The following DLGAP1 variants were observed in gnomAD, a reference collection of about 807,000 sequenced individuals.
The protein encoded by DLGAP1 is disks large-associated protein 1.
A neutral mutation model predicts 90.8 loss-of-function variants in DLGAP1; 11 were observed. That is an observed-to-expected ratio of 0.12 (90% confidence interval 0.08 to 0.20). The LOEUF (loss-of-function observed/expected upper bound fraction) is 0.20, where lower values mean the gene tolerates loss of function less well. Among genes scored for constraint, DLGAP1 ranks in the 10% least tolerant of loss-of-function variants. The pLI is 1.00. For missense variants in DLGAP1, 1,050 were observed against 1,333.8 expected (o/e 0.79, Z 3.31); for synonymous variants, 558 against 540.7 (o/e 1.03, Z -0.44).
intron 5 of DLGAP1, among the ~76,000 whole-genome samples, chr18:3,794,006 C>G (rs146459931): frequency 5.9e-4 from 90 of 152,304 alleles, no homozygotes; most frequent in Middle Eastern, 6.8e-3. Context: ...ACTGTGGTAT[C>G]CCCAGTGTCC....
At chr18:3,708,856 T>C (rs2061518186) in intron 7 of DLGAP1, among the ~76,000 whole-genome samples, 1 of 152,082 alleles carries the variant, frequency 6.6e-6, no homozygotes, top group South Asian at 2.1e-4. Flanking sequence ...AGGTGCACAT[T>C]AGGTGGAAGG....
intron 7 of DLGAP1, among the ~76,000 whole-genome samples, chr18:3,608,993 G>A (rs758260826): frequency 9.9e-5 from 15 of 151,536 alleles, no homozygotes; most frequent in African/African-American, 2.4e-4. Flanking sequence ...GTGCCACCAC[G>A]CCTGGCTAAT....
chr18:3,934,211 G>A (rs1317299258), intron 3 of DLGAP1, among the ~76,000 whole-genome samples: 5 of 152,156 alleles, frequency 3.3e-5, no homozygotes, highest in Non-Finnish European at 4.4e-5. Context: ...CCACAGCCAC[G>A]ACACTGTAAA....
intron 2 of DLGAP1, among the ~76,000 whole-genome samples, chr18:4,091,722 G>A (rs1251032729): frequency 6.6e-6 from 1 of 151,912 alleles, no homozygotes; most frequent in Non-Finnish European, 1.5e-5. Context: ...TTGATTTTTT[G>A]TTACAGTCAA....
chr18:3,612,201 A>T (rs534847739), intron 7 of DLGAP1, among the ~76,000 whole-genome samples: 178 of 152,342 alleles, frequency 1.2e-3, no homozygotes, highest in African/African-American at 4.2e-3. Flanking sequence ...AAATATTAAA[A>T]ATAATGTAAG....
At chr18:4,053,629 T>C (rs2075169294) in intron 2 of DLGAP1, among the ~76,000 whole-genome samples, 1 of 152,166 alleles carries the variant, frequency 6.6e-6, no homozygotes, top group African/African-American at 2.4e-5. Context: ...TGTGAAGAGG[T>C]GCCTGCTTCC....
intron 7 of DLGAP1, among the ~76,000 whole-genome samples, chr18:3,659,590 G>C (rs1433669886): frequency 6.7e-6 from 1 of 148,564 alleles, no homozygotes; most frequent in East Asian, 2.0e-4. Context: ...TTTTGAGACA[G>C]AATCTCCCTC....
chr18:4,170,049 G>C (rs2144577233), intron 1 of DLGAP1, among the ~76,000 whole-genome samples: 1 of 152,280 alleles, frequency 6.6e-6, no homozygotes, highest in Middle Eastern at 3.4e-3. Flanking sequence ...CTATTTAAGA[G>C]ACACATGATG....
intron 1 of DLGAP1, among the ~76,000 whole-genome samples, chr18:4,289,629 A>C (rs530471311): frequency 1.4e-4 from 21 of 152,334 alleles, no homozygotes; most frequent in African/African-American, 5.1e-4. Context: ...TTCCTTCAAC[A>C]GATTTTAAAA....
rs190950133 is a variant in DLGAP1 at position 3,523,796 on chromosome 18, T to C, written c.2479+10398A>G. Among the ~76,000 whole-genome samples, 1,421 of 146,086 alleles carry C rather than the reference T, an allele frequency of 9.7e-3. 23 individuals are homozygous for C. The highest frequency in any genetic ancestry group is 0.033 in the African/African-American group (1,318 of 39,518). ...TCAGAAGGCGGAGCTTGCAGTGAGC[T>C]GAGATAGCGCCACTGCACTCCAGCC... On this transcript the variant is annotated intron_variant, in intron 10 of 12. Coordinates refer to ENST00000315677, the MANE Select transcript of DLGAP1 (RefSeq NM_004746.4).
intron 5 of DLGAP1, among the ~76,000 whole-genome samples, chr18:3,813,735 A>G (rs893483829): frequency 6.6e-6 from 1 of 152,108 alleles, no homozygotes; most frequent in African/African-American, 2.4e-5. Context: ...GGATACATGT[A>G]TATTCTCATT....
intron 2 of DLGAP1, among the ~76,000 whole-genome samples, chr18:4,090,713 A>C (rs2075761161): frequency 6.6e-6 from 1 of 152,218 alleles, no homozygotes; most frequent in Non-Finnish European, 1.5e-5. Context: ...AACCAGAAAT[A>C]CCATCTGACC....
rs953102659 is a variant in DLGAP1 at position 3,847,237 on chromosome 18, G to A, written c.957+31875C>T. Among the ~76,000 whole-genome samples the A allele has an allele frequency of 5.9e-5, 9 of 152,198 alleles. No individual in the cohort carries two copies. The South Asian group carries it at 1.2e-3, about 21-fold the overall frequency. On this transcript the variant is annotated intron_variant, in intron 4 of 12. Coordinates refer to ENST00000315677, the MANE Select transcript of DLGAP1 (RefSeq NM_004746.4). The stretch of plus-strand genomic sequence containing the variant: ...AAAATTATTAATTTGCCAAAAGAAC[G>A]TTGTCATATGTTTATAATTATATGA...
At chr18:4,080,634 T>C (rs2075591783) in intron 2 of DLGAP1, among the ~76,000 whole-genome samples, 1 of 152,184 alleles carries the variant, frequency 6.6e-6, no homozygotes, top group South Asian at 2.1e-4. Context: ...TTACCATCTC[T>C]TCTTTCTGCG....
At chr18:4,381,393 A>G (rs1242247124) in intron 1 of DLGAP1, among the ~76,000 whole-genome samples, 1 of 152,210 alleles carries the variant, frequency 6.6e-6, no homozygotes. Flanking sequence ...ATATTTCAAA[A>G]GAACCAGTCC....
chr18:3,623,080 C>T (rs1730047982), intron 7 of DLGAP1, among the ~76,000 whole-genome samples: 2 of 152,210 alleles, frequency 1.3e-5, no homozygotes, highest in South Asian at 4.2e-4. Context: ...GCTGGGATTA[C>T]ACGCGTGAGC....
chr18:3,879,513 CCTTGCT>C lies in DLGAP1; in HGVS notation c.550_555del (p.Ser184_Lys185del), dbSNP rs766973624. 5.6e-6 allele frequency: 9 copies of C among 1,602,888 alleles called. No homozygotes were observed. Among genetic ancestry groups the C allele is most frequent in the Non-Finnish European group, 7.6e-6 (9 of 1,179,524 alleles). On this transcript the variant is annotated inframe_deletion, in exon 4 of 13. Coordinates refer to ENST00000315677, the MANE Select transcript of DLGAP1 (RefSeq NM_004746.4). The surrounding 1 kb of genome is among the most constrained non-coding windows in gnomAD (Gnocchi z 6.6). ...CGGGCCTTGGGCTCCGCGCGCCGCTCCTTGCTCTTGCTGCGTTTGCCATAGCGCGCC... is the reference window on the plus strand; with the variant it reads ...CGGGCCTTGGGCTCCGCGCGCCGCTCCTTGCTGCGTTTGCCATAGCGCGCC...
chr18:4,154,970 C>G (rs1460969399), intron 1 of DLGAP1, among the ~76,000 whole-genome samples: 1 of 152,016 alleles, frequency 6.6e-6, no homozygotes. Flanking sequence ...AATTATAGAG[C>G]AGTTCAGAAG....
At chr18:3,916,302 C>A (rs919401765) in intron 3 of DLGAP1, among the ~76,000 whole-genome samples, 2 of 152,152 alleles carry the variant, frequency 1.3e-5, no homozygotes, top group Non-Finnish European at 1.5e-5. Flanking sequence ...GGGCTCCCTG[C>A]CATCTGTCAA....
Sources: gnomAD v4.1 joint callset for allele counts (sites outside exome capture counted in the v4.1 genomes callset) on GRCh38, gnomAD v4.1.1 for gene constraint, Gnocchi (gnomAD v3.1) non-coding constraint, MANE v1.5 for transcripts, NCBI Gene and HGNC (gene_info 2026-07-23, HGNC 2026-07-21) for gene names.